Variants in NAALADL2 observed in about 807,000 individuals in gnomAD.
The protein encoded by NAALADL2 is inactive N-acetylated-alpha-linked acidic dipeptidase-like protein 2.
Under a neutral mutation model 87.2 loss-of-function variants are expected in NAALADL2, and 76 were observed. The observed-to-expected ratio is 0.87, with a 90% CI of 0.72 to 1.05. NAALADL2 has a LOEUF of 1.05. Among genes scored for constraint, NAALADL2 ranks in the 50% least tolerant of loss-of-function variants. The probability of loss-of-function intolerance (pLI) is 0.00; values close to 1 mark genes in which losing one functional copy is unlikely to be tolerated. For missense variants in NAALADL2, 1,089 were observed against 945.8 expected (o/e 1.15, Z -1.99); for synonymous variants, 354 against 331.0 (o/e 1.07, Z -0.75).
intron 10 of NAALADL2, among the ~76,000 whole-genome samples, chr3:175,595,422 G>T (rs1183798516): frequency 1.3e-5 from 2 of 151,568 alleles, no homozygotes; most frequent in Non-Finnish European, 3.0e-5. Flanking sequence ...GTTTGAAGTT[G>T]GATAGGAAAA....
chr3:175,031,473 T>A (rs1334594075), intron 1 of NAALADL2, among the ~76,000 whole-genome samples: 2 of 152,142 alleles, frequency 1.3e-5, no homozygotes, highest in Non-Finnish European at 2.9e-5. Context: ...TGCTGCGTAG[T>A]ATTCCATGGT....
intron 1 of NAALADL2, among the ~76,000 whole-genome samples, chr3:174,960,544 A>T (rs1741825360): frequency 6.6e-6 from 1 of 152,018 alleles, no homozygotes; most frequent in African/African-American, 2.4e-5. Flanking sequence ...ATAATCTGGG[A>T]CTATCTAATT....
chr3:174,547,021 T>G lies in NAALADL2; in HGVS notation c.-183-3548T>G, dbSNP rs115101842. 1.1e-3 allele frequency among the ~76,000 whole-genome samples: 162 copies of G among 152,238 alleles called. 1 individual carries two copies. Among genetic ancestry groups the G allele is most frequent in the African/African-American group, 3.7e-3 (153 of 41,536 alleles). On this transcript the variant is annotated intron_variant, in intron 1 of 3. Coordinates refer to the NAALADL2 transcript ENST00000434257. ...GGTAAAGATGTATTTAACTAGAAAT[T>G]AACTCTTTATTTTCAAAGAGAAGAG...
intron 1 of NAALADL2, among the ~76,000 whole-genome samples, chr3:175,084,480 T>C (rs1386187762): frequency 6.6e-6 from 1 of 152,158 alleles, no homozygotes; most frequent in Non-Finnish European, 1.5e-5. Flanking sequence ...AATTTCTTGG[T>C]ACTCAGGGCT....
intron 2 of NAALADL2, among the ~76,000 whole-genome samples, chr3:174,642,777 T>C (rs1267057543): frequency 2.7e-5 from 2 of 73,236 alleles, no homozygotes; most frequent in Non-Finnish European, 4.8e-5. Flanking sequence ...TATATATATA[T>C]ATATATATAT....
rs192238212 is a variant in NAALADL2 at position 175,302,427 on chromosome 3, G to A, written c.940-21748G>A. Among the ~76,000 whole-genome samples, 34 of 152,130 alleles carry A rather than the reference G, an allele frequency of 2.2e-4. No homozygotes were observed. The East Asian group carries it at 4.1e-3, about 18-fold the overall frequency. ...TACAATAATAATTATGATTCATCTG[G>A]CACTCTAGTAAACTTTTTCAATAAA... On this transcript the variant is annotated intron_variant, in intron 4 of 13. Coordinates refer to ENST00000454872, the MANE Select transcript of NAALADL2 (RefSeq NM_207015.3).
At chr3:174,664,612 A>G (rs2067341442) in intron 2 of NAALADL2, among the ~76,000 whole-genome samples, 1 of 152,222 alleles carries the variant, frequency 6.6e-6, no homozygotes, top group Non-Finnish European at 1.5e-5. Context: ...AAATGTATAC[A>G]TACCTACATA....
intron 2 of NAALADL2, among the ~76,000 whole-genome samples, chr3:175,168,562 A>G (rs1560112890): frequency 6.6e-6 from 1 of 151,926 alleles, no homozygotes; most frequent in Non-Finnish European, 1.5e-5. Context: ...AATCAAAAGT[A>G]TGAAAATACT....
chr3:175,369,415 T>A (rs547062907), intron 5 of NAALADL2: 3 of 150,856 alleles, frequency 2.0e-5, no homozygotes, highest in Admixed American at 6.6e-5. Context: ...CAAGTATGTG[T>A]GTGCCTGTGT....
intron 5 of NAALADL2, among the ~76,000 whole-genome samples, chr3:175,368,705 A>C (rs1253970322): frequency 6.6e-6 from 1 of 152,086 alleles, no homozygotes. Flanking sequence ...AGAGAACATC[A>C]TAGAGTGCAC....
intron 2 of NAALADL2, among the ~76,000 whole-genome samples, chr3:175,174,518 TAAAAG>T (rs1315252181): frequency 1.3e-5 from 2 of 151,944 alleles, no homozygotes; most frequent in African/African-American, 4.8e-5. Flanking sequence ...TATATTCTGA[TAAAAG>T]AAATAAAAAG....
At chr3:175,769,282 T>C (rs1749158737) in intron 13 of NAALADL2, among the ~76,000 whole-genome samples, 1 of 152,216 alleles carries the variant, frequency 6.6e-6, no homozygotes, top group Non-Finnish European at 1.5e-5. Flanking sequence ...TTTGGGACTT[T>C]ACTTTCTATT....
intron 1 of NAALADL2, among the ~76,000 whole-genome samples, chr3:174,993,659 A>G (rs891418673): frequency 6.6e-6 from 1 of 152,166 alleles, no homozygotes; most frequent in Non-Finnish European, 1.5e-5. Context: ...AAAAGATGTA[A>G]GCCATGCTAT....
chr3:175,650,057 C>CAAAAAAA (rs11458935), intron 11 of NAALADL2, among the ~76,000 whole-genome samples: 2 of 120,406 alleles, frequency 1.7e-5, no homozygotes, highest in Non-Finnish European at 1.7e-5. Flanking sequence ...AACCCCACAC[C>CAAAAAAA]AAAAAAAAAA....
intron 1 of NAALADL2, among the ~76,000 whole-genome samples, chr3:174,924,510 C>A (rs1333204914): frequency 6.6e-6 from 1 of 151,876 alleles, no homozygotes; most frequent in Non-Finnish European, 1.5e-5. Flanking sequence ...TGAATAGTGC[C>A]GCAATAAACA....
At chr3:174,977,394 C>T (rs570245980) in intron 1 of NAALADL2, among the ~76,000 whole-genome samples, 3 of 152,188 alleles carry the variant, frequency 2.0e-5, no homozygotes, top group East Asian at 1.9e-4. Context: ...CAAAGTACTG[C>T]GATTACAGGC....
intron 5 of NAALADL2, among the ~76,000 whole-genome samples, chr3:175,327,121 A>T (rs931014126): frequency 6.9e-6 from 1 of 145,042 alleles, no homozygotes; most frequent in Non-Finnish European, 1.5e-5. Flanking sequence ...CATACGCCTC[A>T]CCCAGCTTTA....
rs550428687 is a variant in NAALADL2, at chr3:175,636,003, C to T, written c.1896+8617C>T. ...TCTGGGAAAGTTTTGGACCCTGTTACGACAGTTTAATGTAGATATTAAAGA... is the reference window on the plus strand; with the variant it reads ...TCTGGGAAAGTTTTGGACCCTGTTATGACAGTTTAATGTAGATATTAAAGA... On this transcript the variant is annotated intron_variant, in intron 11 of 13. Coordinates refer to ENST00000454872, the MANE Select transcript of NAALADL2 (RefSeq NM_207015.3). Among the ~76,000 whole-genome samples, 419 of 152,186 alleles carry T rather than the reference C, an allele frequency of 2.8e-3. 1 individual carries two copies. The highest frequency in any genetic ancestry group is 3.9e-3 in the Admixed American group (59 of 15,288).
At position 174,787,605 on chromosome 3, in the gene NAALADL2, A is replaced by ATATATATATATATATATATACG. The variant is rs1553855453; in HGVS notation, c.-9+49875_-9+49876insTATACGTATATATATATATATA. On this transcript the variant is annotated intron_variant, in intron 3 of 3. Transcript: ENST00000434257. ...TATATATATATATATATATATATAT[A>ATATATATATATATATATATACG]TATATATATATATATAGTAGTGACT... is the stretch of plus-strand genomic sequence containing the variant. Among the ~76,000 whole-genome samples the ATATATATATATATATATATACG allele has an allele frequency of 3.7e-4, 33 of 89,250 alleles. 3 individuals are homozygous for ATATATATATATATATATATACG. In the South Asian group the frequency reaches 3.9e-3, roughly 10 times the overall value. The allele number at this position is 89,250 out of a possible 152,430, so 58.6% of individuals were successfully genotyped here. A position where few individuals can be genotyped will look rare whatever the true frequency, so the allele number is the denominator to read the frequency against.
Sources: allele counts gnomAD v4.1 joint callset (sites outside exome capture counted in the v4.1 genomes callset), GRCh38; gene constraint gnomAD v4.1.1; transcripts MANE v1.5; gene names NCBI Gene and HGNC (gene_info 2026-07-23, HGNC 2026-07-21).